Variants in FAM114A1 observed in about 807,000 individuals in gnomAD.
The protein encoded by FAM114A1 is family with sequence similarity 114 member A1, also known as protein NOXP20.
Under a neutral mutation model 64.3 loss-of-function variants are expected in FAM114A1, and 62 were observed. The ratio of observed to expected loss-of-function variants is 0.96; its 90% CI spans 0.79 to 1.19. FAM114A1 has a LOEUF of 1.19. Ranked by LOEUF, FAM114A1 falls within the 50% of genes most tolerant of loss-of-function variation. The probability of loss-of-function intolerance (pLI) is 0.00; values close to 1 mark genes in which losing one functional copy is unlikely to be tolerated. For synonymous variants in FAM114A1, 254 were observed against 251.1 expected, an observed-to-expected ratio of 1.01 and a Z score of -0.11; for missense variants, 645 against 676.3, an observed-to-expected ratio of 0.95 and a Z score of 0.51.
chr4:38,881,416 A>G (rs1368564364), intron 3 of FAM114A1, among the ~76,000 whole-genome samples: 4 of 152,164 alleles, frequency 2.6e-5, no homozygotes, highest in Non-Finnish European at 5.9e-5. Context: ...ATAGAGCACC[A>G]CGGAATTACC....
chr4:38,943,488 C>T lies in FAM114A1; in HGVS notation c.1623C>T (p.Ala541=), dbSNP rs946903063. The part of the protein sequence containing the change: ...GCNSTTYIQD[A]FQLLLPVLQV... ...ACAGTACAACGTACATACAGGATGC[C>T]TTCCAGCTGCTGCTGCCTGTTCTGC... Residue 541 remains alanine, a synonymous_variant, in exon 15 of 15, where the codon GCC becomes GCT. Coordinates refer to ENST00000358869, the MANE Select transcript of FAM114A1 (RefSeq NM_138389.4). 7 of 1,614,034 alleles carry T rather than the reference C, an allele frequency of 4.3e-6. No individual in the cohort carries two copies. Among genetic ancestry groups the T allele is most frequent in the Middle Eastern group, 1.6e-4 (1 of 6,084 alleles).
chr4:38,896,284 A>G (rs1421776558), intron 4 of FAM114A1, among the ~76,000 whole-genome samples: 1 of 152,192 alleles, frequency 6.6e-6, no homozygotes, highest in Non-Finnish European at 1.5e-5. Context: ...AATGAATGCA[A>G]TAGAAGTATA....
At chr4:38,889,987 G>C (rs1716168135) in intron 3 of FAM114A1, among the ~76,000 whole-genome samples, 1 of 152,140 alleles carries the variant, frequency 6.6e-6, no homozygotes, top group Non-Finnish European at 1.5e-5. Flanking sequence ...GCAGAAAAAA[G>C]AGAAGGGGAA....
chr4:38,920,205 C>G (rs1288300312), intron 8 of FAM114A1, among the ~76,000 whole-genome samples: 1 of 134,286 alleles, frequency 7.4e-6, no homozygotes, highest in African/African-American at 2.7e-5. Flanking sequence ...AGACCCGTCT[C>G]AAAAAAAAAA....
intron 13 of FAM114A1, among the ~76,000 whole-genome samples, chr4:38,940,476 G>GA (rs1289488890): frequency 9.9e-5 from 15 of 151,780 alleles, no homozygotes; most frequent in African/African-American, 3.6e-4. Flanking sequence ...AAAAGAAACA[G>GA]AAAAAAACCT....
chr4:38,918,289 C>T (rs1199925808), intron 8 of FAM114A1, among the ~76,000 whole-genome samples: 4 of 152,120 alleles, frequency 2.6e-5, no homozygotes. Flanking sequence ...AAGAGTTATT[C>T]TTCACTCCTG....
chr4:38,899,747 A>G (rs972989085), intron 4 of FAM114A1, among the ~76,000 whole-genome samples: 2 of 152,114 alleles, frequency 1.3e-5, no homozygotes, highest in Admixed American at 1.3e-4. Context: ...ATGTACCCAC[A>G]TTTTTCATTA....
intron 9 of FAM114A1, 23 bp downstream of exon 9, chr4:38,922,916 G>A: frequency 1.3e-6 from 2 of 1,597,080 alleles, no homozygotes; most frequent in Middle Eastern, 1.8e-4. Context: ...AACTTAAATA[G>A]CAAGACAAAC....
At chr4:38,930,395 T>C (rs1720532632) in intron 10 of FAM114A1, among the ~76,000 whole-genome samples, 1 of 152,148 alleles carries the variant, frequency 6.6e-6, no homozygotes, top group South Asian at 2.1e-4. Context: ...AATTTCTTTA[T>C]CTCTGATGGG....
chr4:38,884,829 C>G (rs6840500), intron 3 of FAM114A1, among the ~76,000 whole-genome samples: 8 of 152,256 alleles, frequency 5.3e-5, no homozygotes, highest in African/African-American at 1.9e-4. Context: ...CATCAAGTCA[C>G]CAGAATTCCC....
chr4:38,875,560 G>A (rs1157829676), intron 2 of FAM114A1, among the ~76,000 whole-genome samples: 1 of 152,130 alleles, frequency 6.6e-6, no homozygotes, highest in Admixed American at 6.5e-5. Context: ...TCAGATCTAG[G>A]AGCCTTTGGG....
chr4:38,937,928 G>C (rs1721248764), intron 13 of FAM114A1, among the ~76,000 whole-genome samples: 1 of 151,822 alleles, frequency 6.6e-6, no homozygotes, highest in Non-Finnish European at 1.5e-5. Context: ...GTACAGACAG[G>C]GTTTCACCAT....
At chr4:38,912,640 C>A (rs1303134184) in intron 7 of FAM114A1, among the ~76,000 whole-genome samples, 3 of 152,100 alleles carry the variant, frequency 2.0e-5, no homozygotes, top group African/African-American at 7.2e-5. Flanking sequence ...CCTTGGCCTC[C>A]CAAAGTGCTG....
chr4:38,885,995 G>T (rs1001816421), intron 3 of FAM114A1, among the ~76,000 whole-genome samples: 1 of 152,088 alleles, frequency 6.6e-6, no homozygotes, highest in Non-Finnish European at 1.5e-5. Flanking sequence ...GTAAAAGTGG[G>T]TGAGCTTTGG....
rs139772137 is a variant in FAM114A1 at position 38,876,598 on chromosome 4, A to C, written c.-8-1473A>C. On this transcript the variant is annotated intron_variant, in intron 2 of 14. Transcript: ENST00000358869. ...TTTCATGCCAAGTAAGAGCTCCAGG[A>C]AAGTTTAAAGATAGCCCTGTAGGTT... Among the ~76,000 whole-genome samples, 716 of 152,376 alleles carry C rather than the reference A, an allele frequency of 4.7e-3. 5 individuals are homozygous for C. The highest frequency in any genetic ancestry group is 7.4e-3 in the Non-Finnish European group (504 of 68,040).
chr4:38,915,404 G>A (rs755340457), intron 8 of FAM114A1, among the ~76,000 whole-genome samples: 22 of 152,162 alleles, frequency 1.4e-4, no homozygotes, highest in Non-Finnish European at 2.8e-4. Flanking sequence ...AAGTACCCAG[G>A]TCAGAGATGC....
In FAM114A1 at chr4:38,868,534, C is replaced by G. The variant is rs1166840979; in HGVS notation, c.-21C>G. On this transcript the variant is annotated 5_prime_UTR_variant, in exon 2 of 15. Coordinates refer to ENST00000358869, the MANE Select transcript of FAM114A1 (RefSeq NM_138389.4). Reference sequence around the variant, plus strand: ...CCTCCACCCAGTCGGCTAGCCCTCGCCTCTGCCATCCGGTGAGTATTTCCA... The same window carrying G: ...CCTCCACCCAGTCGGCTAGCCCTCGGCTCTGCCATCCGGTGAGTATTTCCA... 6.5e-6 allele frequency: 1 copy of G among 152,686 alleles called. No individual in the cohort carries two copies. Among genetic ancestry groups the G allele is most frequent in the Non-Finnish European group, 1.5e-5 (1 of 68,414 alleles). 9.5% of individuals were successfully genotyped at this position (152,686 alleles called of 1,614,324 possible).
chr4:38,902,782 T>C (rs1029475531), intron 4 of FAM114A1, among the ~76,000 whole-genome samples: 8 of 152,168 alleles, frequency 5.3e-5, no homozygotes, highest in Non-Finnish European at 8.8e-5. Context: ...ATTATTCATA[T>C]TTGTTGTTTT....
At chr4:38,867,940 C>T in intron 1 of FAM114A1, 106 bp downstream of exon 1, 1 of 257,882 alleles carries the variant, frequency 3.9e-6, no homozygotes, top group Non-Finnish European at 8.2e-6. Flanking sequence ...GCGCCTCGTC[C>T]GGGACCCACG....
Sources: gnomAD v4.1 joint callset for allele counts (sites outside exome capture counted in the v4.1 genomes callset) on GRCh38, gnomAD v4.1.1 for gene constraint, MANE v1.5 for transcripts, NCBI Gene and HGNC (gene_info 2026-07-23, HGNC 2026-07-21) for gene names.